CDH15: variants seen among roughly 807,000 people sequenced by gnomAD.
The protein encoded by CDH15 is cadherin 15.
A neutral mutation model predicts 69.4 loss-of-function variants in CDH15; 73 were observed. That is an observed-to-expected ratio of 1.05 (90% CI 0.87 to 1.28). The LOEUF (loss-of-function observed/expected upper bound fraction) is 1.28, where lower values mean the gene tolerates loss of function less well. CDH15 is among the 50% of genes most tolerant of loss of function. The pLI is 0.00. For missense variants in CDH15, 1,343 were observed against 1,133.6 expected (o/e 1.18, Z -2.65); for synonymous variants, 624 against 507.7 (o/e 1.23, Z -3.08).
chr16:89,188,449 C>G (rs372068383), intron 7 of CDH15, among the ~76,000 whole-genome samples, 164 bp downstream of exon 7: 3,812 of 76,470 alleles, frequency 0.05, 171 homozygotes, highest in East Asian at 0.11. Context: ...GGCACACACA[C>G]ATGCCGGCAC....
intron 1 of CDH15, among the ~76,000 whole-genome samples, chr16:89,176,610 G>C (rs1230779232): frequency 1.3e-5 from 2 of 150,820 alleles, no homozygotes; most frequent in African/African-American, 4.9e-5. Context: ...TCTGTAGTAG[G>C]CACAGGACTT....
At chr16:89,192,029 C>CG (rs1915659224) in intron 10 of CDH15, 135 bp downstream of exon 10, 1 of 1,151,982 alleles carries the variant, frequency 8.7e-7, no homozygotes, top group African/African-American at 1.5e-5. Context: ...CCGCCACCCC[C>CG]CCCACCACTG....
chr16:89,192,099 C>A, intron 10 of CDH15, 106 bp from the exon 11 acceptor site: 1 of 1,392,890 alleles, frequency 7.2e-7, no homozygotes, highest in Non-Finnish European at 9.5e-7. Context: ...GTGGGGGGGA[C>A]CCAGGCCCAG....
Position 89,171,816 on chromosome 16 carries a change from T to C in CDH15, c.-16T>C. The stretch of plus-strand genomic sequence containing the variant: ...GGTCGCGGGTGCACTCCGGCCCGGC[T>C]CCCGCCTCGGCCCCGATGGACGCCG... On this transcript the variant is annotated 5_prime_UTR_variant, in exon 1 of 14. Coordinates refer to ENST00000289746, the MANE Select transcript of CDH15 (RefSeq NM_004933.3). 6.4e-7 allele frequency: 1 copy of C among 1,550,874 alleles called. No individual in the cohort carries two copies.
intron 13 of CDH15, among the ~76,000 whole-genome samples, chr16:89,194,322 G>A (rs1428968913): frequency 1.3e-5 from 2 of 152,218 alleles, no homozygotes; most frequent in Admixed American, 1.3e-4. Context: ...TGTGCACACG[G>A]GGAATCTGGG....
At chr16:89,186,505 CGCTT>C (rs1915491318) in intron 5 of CDH15, among the ~76,000 whole-genome samples, 2 of 111,362 alleles carry the variant, frequency 1.8e-5, no homozygotes, top group South Asian at 3.1e-4. Flanking sequence ...GCTCTGTAAA[CGCTT>C]ACCCAGCGCA....
At chr16:89,180,432 C>T in intron 3 of CDH15, 77 bp downstream of exon 3, 1 of 1,490,254 alleles carries the variant, frequency 6.7e-7, no homozygotes, top group Non-Finnish European at 9.2e-7. Flanking sequence ...CCCCACCAGG[C>T]TTCTCCTCCC....
rs1476971953 is a variant in CDH15, at chr16:89,188,262, G to A, written c.955G>A (p.Glu319Lys). 6.2e-7 allele frequency: 1 copy of A among 1,613,460 alleles called. No homozygotes were observed. Among genetic ancestry groups the A allele is most frequent in the Non-Finnish European group, 8.5e-7 (1 of 1,179,940 alleles). Residue 319 changes from glutamate to lysine, a missense_variant, in exon 7 of 14, where the codon GAG becomes AAG. Transcript: ENST00000289746. ...CATCCGCACGGACCCCAAGACCAAC[G>A]AGGGTGTTCTGTCCATTGTGAAGGT... ...FTIRTDPKTN[E>K]GVLSIVKALD...
intron 7 of CDH15, 52 bp from the exon 8 acceptor site, chr16:89,190,191 G>A (rs1044462060): frequency 6.3e-6 from 10 of 1,594,970 alleles, no homozygotes; most frequent in East Asian, 2.3e-5. Context: ...ACCTGCCCTC[G>A]GGTGCCCACA....
chr16:89,181,660 C>G (rs1247491104), intron 3 of CDH15, among the ~76,000 whole-genome samples: 1 of 151,552 alleles, frequency 6.6e-6, no homozygotes, highest in Non-Finnish European at 1.5e-5. Flanking sequence ...GAAAAGAGGA[C>G]CGGGTGCGGT....
chr16:89,174,309 T>G (rs1476965551), intron 1 of CDH15, among the ~76,000 whole-genome samples: 1 of 151,768 alleles, frequency 6.6e-6, no homozygotes, highest in Non-Finnish European at 1.5e-5. Flanking sequence ...GGGGGAGGGG[T>G]TGAAGCCTGA....
At chr16:89,175,121 C>G (rs1915231525) in intron 1 of CDH15, among the ~76,000 whole-genome samples, 2 of 152,146 alleles carry the variant, frequency 1.3e-5, no homozygotes, top group Non-Finnish European at 2.9e-5. Flanking sequence ...ACCTGGTGAA[C>G]TCAGGCTGTG....
At position 89,195,018 on chromosome 16, in the gene CDH15, G is replaced by C. The variant is rs1915769355; in HGVS notation, c.2308G>C (p.Gly770Arg). 1.2e-6 allele frequency: 2 copies of C among 1,612,298 alleles called. No individual in the cohort carries two copies. The highest frequency in any genetic ancestry group is 1.3e-5 in the African/African-American group (1 of 75,030). Residue 770 changes from glycine to arginine, a missense_variant, in exon 14 of 14, where the codon GGG becomes CGG. By Grantham distance (125) the Gly-to-Arg change is moderately radical (BLOSUM62 -2). Transcript: ENST00000289746. ...GGACTACGACTACCTCAGAGACTGG[G>C]GGCCCCGCTTCGCCCGGCTGGCAGA... ...DQDYDYLRDW[G>R]PRFARLADMY... is the part of the protein sequence containing the mutation.
At chr16:89,189,077 A>G (rs540286964) in intron 7 of CDH15, among the ~76,000 whole-genome samples, 238 of 133,884 alleles carry the variant, frequency 1.8e-3, no homozygotes, top group African/African-American at 6.5e-3. Context: ...GCACACACAG[A>G]TGCCCACACA....
Position 89,183,816 on chromosome 16 carries a change from C to T in CDH15, c.502+124C>T, listed in dbSNP as rs1270472352. 2.9e-6 allele frequency: 3 copies of T among 1,034,714 alleles called. No homozygotes were observed. In the African/African-American group the frequency reaches 4.8e-5, roughly 17 times the overall value. 64.1% of individuals were successfully genotyped at this position (1,034,714 alleles called of 1,614,324 possible). On this transcript the variant is annotated intron_variant, in intron 4 of 13. Transcript: ENST00000289746. The stretch of plus-strand genomic sequence containing the variant: ...AGTCTAAAAATAAGTAAACAAGTCT[C>T]CGAGGCAGGTCCGTTTCCACAGGTC...
At position 89,191,740 on chromosome 16, in the gene CDH15, G is replaced by A. The variant is rs761015664; in HGVS notation, c.1461G>A (p.Pro487=). ...NDHAPVLAPP[P]PGSLCSEPHQ... ...ATGCACCTGTGCTGGCCCCGCCGCC[G>A]CCGGGCAGCCTGTGCAGCGAGCCAC... Residue 487 remains proline, a synonymous_variant, in exon 10 of 14, where the codon CCG becomes CCA. Coordinates refer to ENST00000289746, the MANE Select transcript of CDH15 (RefSeq NM_004933.3). 1.7e-5 allele frequency: 28 copies of A among 1,604,120 alleles called. No individual in the cohort carries two copies. The East Asian group carries it at 4.2e-4, about 24-fold the overall frequency.
Position 89,190,503 on chromosome 16 carries a change from C to A in CDH15, c.1232+7C>A. On this transcript the variant is annotated splice_region_variant and intron_variant, in intron 8 of 13. Transcript: ENST00000289746. Reference sequence around the variant, plus strand: ...AGCAGCTGCAGAGGCTCAGGTGGGGCTCCTGAGGCCCTGGGAGAGGTAGAG... The same window carrying A: ...AGCAGCTGCAGAGGCTCAGGTGGGGATCCTGAGGCCCTGGGAGAGGTAGAG... 1.3e-6 allele frequency: 2 copies of A among 1,585,196 alleles called. No homozygotes were observed. The highest frequency in any genetic ancestry group is 1.7e-6 in the Non-Finnish European group (2 of 1,166,712).
rs541243986 is a variant in CDH15 at position 89,188,129 on chromosome 16, C to A, written c.822C>A (p.Ser274Arg). The A allele has an allele frequency of 1.2e-6, 2 of 1,612,896 alleles. No homozygotes were observed. Among genetic ancestry groups the A allele is most frequent in the Admixed American group, 3.3e-5 (2 of 59,900 alleles). Residue 274 changes from serine to arginine, a missense_variant, in exon 7 of 14, where the codon AGC becomes AGA. Transcript: ENST00000289746. The stretch of plus-strand genomic sequence containing the variant: ...TCATGGAGGCCATAGAGGCCGTCAG[C>A]GGAGTGGATGTGGGACGCCTGGAAG... ...EFFMEAIEAV[S>R]GVDVGRLEVE...
intron 10 of CDH15, 54 bp from the exon 11 acceptor site, chr16:89,192,151 G>T (rs1354964305): frequency 4.7e-6 from 7 of 1,482,026 alleles, no homozygotes; most frequent in Non-Finnish European, 5.4e-6. Flanking sequence ...AGGAGGGCAG[G>T]CGAAGTGGGG....
Sources: gnomAD v4.1 joint callset for allele counts (sites outside exome capture counted in the v4.1 genomes callset) on GRCh38, gnomAD v4.1.1 for gene constraint, MANE v1.5 for transcripts, NCBI Gene and HGNC (gene_info 2026-07-23, HGNC 2026-07-21) for gene names.